Variants in REDIC1 observed in about 807,000 individuals in gnomAD.
The protein encoded by REDIC1 is HEI10 Interacting Protein 1.
chr12:39,684,753 A>G, the REDIC1 span: 1 of 680,178 alleles, frequency 1.5e-6, no homozygotes, highest in Non-Finnish European at 2.5e-6. Flanking sequence ...TTTATTTTTA[A>G]GAAAGCTTCC....
At chr12:39,821,910 G>C in the REDIC1 span, among the ~76,000 whole-genome samples, 1 of 152,074 alleles carries the variant, frequency 6.6e-6, no homozygotes, top group East Asian at 1.9e-4. Flanking sequence ...GGAATGAAAA[G>C]AATATTATTA....
the REDIC1 span, among the ~76,000 whole-genome samples, chr12:39,887,965 G>T: frequency 2.6e-5 from 4 of 152,246 alleles, no homozygotes; most frequent in Non-Finnish European, 5.9e-5. Context: ...GTTTGCCCCT[G>T]CTTCGTATCC....
chr12:39,886,110 T>C, the REDIC1 span, among the ~76,000 whole-genome samples: 3 of 152,244 alleles, frequency 2.0e-5, no homozygotes, highest in Non-Finnish European at 4.4e-5. Context: ...GACCTTTCAA[T>C]TGACAGAGAT....
At chr12:39,907,424 C>A in the REDIC1 span, among the ~76,000 whole-genome samples, 1 of 152,032 alleles carries the variant, frequency 6.6e-6, no homozygotes, top group South Asian at 2.1e-4. Context: ...CTCCAAAAAT[C>A]TTTTTGTGTA....
the REDIC1 span, among the ~76,000 whole-genome samples, chr12:39,698,273 G>T: frequency 0.011 from 1,599 of 152,226 alleles, 15 homozygotes; most frequent in Non-Finnish European, 0.016. Flanking sequence ...CATGAAGGGG[G>T]TCAATTCAGA....
the REDIC1 span, among the ~76,000 whole-genome samples, chr12:39,710,260 G>A: frequency 6.6e-6 from 1 of 151,816 alleles, no homozygotes; most frequent in Non-Finnish European, 1.5e-5. Flanking sequence ...GATAATGTGT[G>A]TATATGTGTG....
chr12:39,840,366 A>C, the REDIC1 span, among the ~76,000 whole-genome samples: 5 of 152,008 alleles, frequency 3.3e-5, no homozygotes, highest in African/African-American at 1.2e-4. Flanking sequence ...CACTGCCTCA[A>C]ATCTAACCTG....
At chr12:39,873,003 A>G in the REDIC1 span, among the ~76,000 whole-genome samples, 3 of 152,214 alleles carry the variant, frequency 2.0e-5, no homozygotes, top group East Asian at 1.9e-4. Context: ...TAATATTTCA[A>G]AAATCAAATC....
chr12:39,683,633 G>A, the REDIC1 span: 33 of 618,402 alleles, frequency 5.3e-5, no homozygotes, highest in Admixed American at 3.3e-4. Flanking sequence ...AGGAGTCACA[G>A]TGTTGATAAT....
chr12:39,681,745 C>G, the REDIC1 span, among the ~76,000 whole-genome samples: 1 of 152,274 alleles, frequency 6.6e-6, no homozygotes, highest in South Asian at 2.1e-4. Flanking sequence ...TCTTTTATCT[C>G]TCTATTGCCA....
the REDIC1 span, among the ~76,000 whole-genome samples, chr12:39,737,536 G>T: frequency 6.6e-6 from 1 of 152,178 alleles, no homozygotes; most frequent in Admixed American, 6.5e-5. Context: ...AACTATGTAG[G>T]AGACACCAAA....
chr12:39,709,566 T>C, the REDIC1 span, among the ~76,000 whole-genome samples: 6 of 151,440 alleles, frequency 4.0e-5, no homozygotes, highest in Admixed American at 6.6e-5. Context: ...ATTCTACTTA[T>C]ATAACTAGTA....
At chr12:39,743,284 C>T in the REDIC1 span, among the ~76,000 whole-genome samples, 1 of 152,104 alleles carries the variant, frequency 6.6e-6, no homozygotes, top group African/African-American at 2.4e-5. Context: ...GGAGAAAAAA[C>T]TGAGAAGCAC....
chr12:39,795,694 C>T, the REDIC1 span, among the ~76,000 whole-genome samples: 2 of 152,232 alleles, frequency 1.3e-5, no homozygotes, highest in East Asian at 3.9e-4. Flanking sequence ...GAGCTACTTT[C>T]GAGTAAATCT....
At chr12:39,697,542 C>T in the REDIC1 span, among the ~76,000 whole-genome samples, 1 of 152,100 alleles carries the variant, frequency 6.6e-6, no homozygotes, top group Non-Finnish European at 1.5e-5. Flanking sequence ...AAAATAATAA[C>T]TATATCAGCT....
the REDIC1 span, among the ~76,000 whole-genome samples, chr12:39,685,380 G>A: frequency 6.6e-6 from 1 of 152,142 alleles, no homozygotes; most frequent in Non-Finnish European, 1.5e-5. Flanking sequence ...GGGGAGCAAG[G>A]AGTCTCACAT....
the REDIC1 span, among the ~76,000 whole-genome samples, chr12:39,663,250 T>C: frequency 6.6e-6 from 1 of 152,168 alleles, no homozygotes; most frequent in South Asian, 2.1e-4. Context: ...TCTCTCTATT[T>C]AGATCTAATA....
At chr12:39,765,103 G>C in the REDIC1 span, among the ~76,000 whole-genome samples, 2 of 152,010 alleles carry the variant, frequency 1.3e-5, no homozygotes, top group Non-Finnish European at 2.9e-5. Flanking sequence ...ACATAAATTA[G>C]ACATGATTTC....
the REDIC1 span, among the ~76,000 whole-genome samples, chr12:39,712,988 TATATAC>T: frequency 7.5e-4 from 3 of 4,006 alleles, no homozygotes; most frequent in Admixed American, 3.4e-3. Flanking sequence ...TATACATGTG[TATATAC>T]GTGTATATGT....
Sources: gnomAD v4.1 joint callset for allele counts (sites outside exome capture counted in the v4.1 genomes callset) on GRCh38, gnomAD v4.1.1 for gene constraint, MANE v1.5 for transcripts, NCBI Gene and HGNC (gene_info 2026-07-23, HGNC 2026-07-21) for gene names.